SPATA45: variants seen among roughly 807,000 people sequenced by gnomAD.
The protein encoded by SPATA45 is spermatogenesis associated 45, also known as spermatogenesis-associated protein 45.
SPATA45 carries 5 observed loss-of-function variants against 7.0 expected under a neutral mutation model. That is an observed-to-expected ratio of 0.71 (90% CI 0.37 to 1.50). The LOEUF (loss-of-function observed/expected upper bound fraction) is 1.50, where lower values mean the gene tolerates loss of function less well. SPATA45 is among the 40% of genes most tolerant of loss of function. The pLI is 0.03. For missense variants in SPATA45, 111 were observed against 114.9 expected, an observed-to-expected ratio of 0.97 and a Z score of 0.16; for synonymous variants, 40 against 38.7, an observed-to-expected ratio of 1.03 and a Z score of -0.13.
chr1:212,841,690 C>T (rs1292732366), intron 1 of SPATA45, among the ~76,000 whole-genome samples: 15 of 143,866 alleles, frequency 1.0e-4, no homozygotes, highest in Non-Finnish European at 1.5e-4. Flanking sequence ...CCAGGCTGGG[C>T]GTCACTCCCT....
At chr1:212,832,717 C>G (rs1243594488) in intron 2 of SPATA45, among the ~76,000 whole-genome samples, 1 of 151,356 alleles carries the variant, frequency 6.6e-6, no homozygotes, top group South Asian at 2.1e-4. Flanking sequence ...GTATTATTAC[C>G]CTCCTGCATT....
chr1:212,838,478 G>A (rs540628291), intron 1 of SPATA45, among the ~76,000 whole-genome samples: 3 of 151,692 alleles, frequency 2.0e-5, no homozygotes, highest in South Asian at 4.2e-4. Flanking sequence ...TAGTGAGAAT[G>A]TAAAATGGAA....
chr1:212,844,472 C>T (rs1409815643), intron 1 of SPATA45, among the ~76,000 whole-genome samples: 1 of 152,176 alleles, frequency 6.6e-6, no homozygotes, highest in African/African-American at 2.4e-5. Flanking sequence ...ATCCACCTGA[C>T]ATTCACTCCA....
intron 2 of SPATA45, 80 bp downstream of exon 2, chr1:212,835,793 G>A (rs1258357740): frequency 4.0e-6 from 5 of 1,255,762 alleles, no homozygotes; most frequent in African/African-American, 1.5e-5. Flanking sequence ...CTGAGATCGC[G>A]CCACTGCACT....
chr1:212,840,556 G>T (rs776981187), intron 1 of SPATA45, among the ~76,000 whole-genome samples: 11 of 151,972 alleles, frequency 7.2e-5, no homozygotes, highest in Non-Finnish European at 1.3e-4. Flanking sequence ...AAGTAGCTGG[G>T]ATTACAGAGG....
At chr1:212,835,025 C>G (rs1220747137) in intron 2 of SPATA45, among the ~76,000 whole-genome samples, 3 of 151,506 alleles carry the variant, frequency 2.0e-5, no homozygotes, top group Non-Finnish European at 4.4e-5. Flanking sequence ...GAAGCTGAGG[C>G]CTGGGATTCT....
chr1:212,841,682 A>G (rs1445971271), intron 1 of SPATA45, among the ~76,000 whole-genome samples: 1 of 140,886 alleles, frequency 7.1e-6, no homozygotes, highest in Non-Finnish European at 1.5e-5. Flanking sequence ...TCTGTCGCCC[A>G]GGCTGGGCGT....
chr1:212,831,396 C>A (rs915463049), intron 2 of SPATA45, among the ~76,000 whole-genome samples: 2 of 150,358 alleles, frequency 1.3e-5, no homozygotes, highest in Non-Finnish European at 3.0e-5. Context: ...TCGCTCGAGC[C>A]CAGGAGGTTG....
At chr1:212,836,460 A>G (rs1030461146) in intron 1 of SPATA45, among the ~76,000 whole-genome samples, 7 of 151,364 alleles carry the variant, frequency 4.6e-5, no homozygotes, top group Admixed American at 4.6e-4. Context: ...CCTCCTAAGT[A>G]GCTGGAATTA....
chr1:212,837,547 C>T (rs780517165), intron 1 of SPATA45, among the ~76,000 whole-genome samples: 1 of 151,596 alleles, frequency 6.6e-6, no homozygotes, highest in South Asian at 2.1e-4. Flanking sequence ...GCATGAGAGT[C>T]GCTTGAACCC....
In SPATA45 at chr1:212,830,626, C is replaced by T. The variant is rs1471086056; in HGVS notation, c.278-365G>A. Among the ~76,000 whole-genome samples, 7 of 145,884 alleles carry T rather than the reference C, an allele frequency of 4.8e-5. No homozygotes were observed. In the East Asian group the frequency reaches 1.4e-3, roughly 30 times the overall value. On this transcript the variant is annotated intron_variant, in intron 2 of 2. Transcript: ENST00000332912. ...GGCGGAACGTGCAGTGAGCCGAGAT[C>T]ACACCACTGCACTCCAGCCTGGGCG...
At chr1:212,843,487 C>A (rs1023388071) in intron 1 of SPATA45, among the ~76,000 whole-genome samples, 1 of 152,148 alleles carries the variant, frequency 6.6e-6, no homozygotes, top group Non-Finnish European at 1.5e-5. Flanking sequence ...TTAGTATTTT[C>A]TTTTCTCCCC....
At chr1:212,832,354 C>T (rs866483621) in intron 2 of SPATA45, among the ~76,000 whole-genome samples, 3 of 118,034 alleles carry the variant, frequency 2.5e-5, no homozygotes, top group Non-Finnish European at 3.4e-5. Flanking sequence ...CCAGTGAAAT[C>T]TAAGCTTTTT....
At chr1:212,844,251 T>C in intron 1 of SPATA45, among the ~76,000 whole-genome samples, 1 of 152,200 alleles carries the variant, frequency 6.6e-6, no homozygotes, top group Non-Finnish European at 1.5e-5. Flanking sequence ...TCACAAGCTA[T>C]GCTCCACTTA....
chr1:212,843,096 A>AACAC (rs1250250169), intron 1 of SPATA45, among the ~76,000 whole-genome samples: 4 of 56,776 alleles, frequency 7.0e-5, no homozygotes, highest in Admixed American at 6.2e-4. Flanking sequence ...GACTCCGTCA[A>AACAC]ACATACACAC....
At chr1:212,831,865 G>A (rs1002765776) in intron 2 of SPATA45, among the ~76,000 whole-genome samples, 4 of 150,988 alleles carry the variant, frequency 2.6e-5, no homozygotes, top group African/African-American at 9.7e-5. Flanking sequence ...GGAGTCCTGG[G>A]TCATCCCTCA....
chr1:212,838,980 G>T (rs898341318), intron 1 of SPATA45, among the ~76,000 whole-genome samples: 4 of 151,304 alleles, frequency 2.6e-5, no homozygotes, highest in African/African-American at 9.7e-5. Flanking sequence ...TGAGATTACA[G>T]GTGTGAGCAC....
intron 1 of SPATA45, among the ~76,000 whole-genome samples, chr1:212,837,615 A>G (rs1044952090): frequency 2.0e-5 from 3 of 151,278 alleles, no homozygotes; most frequent in African/African-American, 7.3e-5. Flanking sequence ...CCTGTGCGAC[A>G]GTGTGAGACT....
intron 1 of SPATA45, among the ~76,000 whole-genome samples, chr1:212,838,414 G>A (rs1006713099): frequency 6.6e-6 from 1 of 151,430 alleles, no homozygotes; most frequent in Non-Finnish European, 1.5e-5. Context: ...GAAAAAGACT[G>A]ACCAAACCAT....
Sources: allele counts gnomAD v4.1 joint callset (sites outside exome capture counted in the v4.1 genomes callset), GRCh38; gene constraint gnomAD v4.1.1; transcripts MANE v1.5; gene names NCBI Gene and HGNC (gene_info 2026-07-23, HGNC 2026-07-21).